The following SLC28A1 variants were observed in gnomAD, a reference collection of about 807,000 sequenced individuals.
SLC28A1 encodes sodium/nucleoside cotransporter 1.
Under a neutral mutation model 74.8 loss-of-function variants are expected in SLC28A1, and 64 were observed. The ratio of observed to expected loss-of-function variants is 0.86; its 90% CI spans 0.70 to 1.05. SLC28A1 has a LOEUF of 1.05. SLC28A1 is among the 50% of genes least tolerant of loss of function. The pLI is 0.00. For synonymous variants in SLC28A1, 359 were observed against 335.0 expected (o/e 1.07, Z -0.78); for missense variants, 828 against 822.8 (o/e 1.01, Z -0.08).
rs564452584 is a variant in SLC28A1, at chr15:84,885,427, T to C, written c.-133+676T>C. Among the ~76,000 whole-genome samples the C allele has an allele frequency of 1.5e-4, 23 of 150,580 alleles. 1 individual carries two copies. The South Asian group carries it at 4.4e-3, about 29-fold the overall frequency. On this transcript the variant is annotated intron_variant, in intron 1 of 18. Transcript: ENST00000394573. Reference sequence around the variant, plus strand: ...TGAATAACATAAAATAACATACATTTAGGAAAAAAAAAGTGGAGAAAAGGC... The same window carrying C: ...TGAATAACATAAAATAACATACATTCAGGAAAAAAAAAGTGGAGAAAAGGC...
intron 16 of SLC28A1, among the ~76,000 whole-genome samples, chr15:84,944,121 G>A (rs575103468): frequency 8.5e-4 from 129 of 152,280 alleles, no homozygotes; most frequent in African/African-American, 3.0e-3. Context: ...GCCTGGTGGG[G>A]CCTAAGGTCG....
intron 5 of SLC28A1, among the ~76,000 whole-genome samples, chr15:84,893,300 G>A (rs1027925081): frequency 2.0e-5 from 3 of 151,994 alleles, no homozygotes; most frequent in African/African-American, 7.2e-5. Context: ...TGGCGACCAC[G>A]GAGCCTCTCC....
chr15:84,900,653 A>C (rs548854563), intron 6 of SLC28A1, among the ~76,000 whole-genome samples: 1 of 152,088 alleles, frequency 6.6e-6, no homozygotes, highest in East Asian at 1.9e-4. Context: ...TAGATAAATA[A>C]ATTAGCCAGG....
chr15:84,965,892 G>C, the SLC28A1 span, among the ~76,000 whole-genome samples: 1 of 147,442 alleles, frequency 6.8e-6, no homozygotes, highest in Non-Finnish European at 1.5e-5. Flanking sequence ...TTAAGCTGGA[G>C]GGAGGCGGGG....
the SLC28A1 span, among the ~76,000 whole-genome samples, chr15:84,951,071 C>G: frequency 5.3e-5 from 8 of 152,062 alleles, no homozygotes; most frequent in African/African-American, 1.9e-4. Context: ...CATTTTTGCT[C>G]CATGCTAGTT....
At chr15:84,920,714 G>GTGTGTGTGTGTGTGTGTT (rs67647514) in intron 10 of SLC28A1, among the ~76,000 whole-genome samples, 37 of 152,164 alleles carry the variant, frequency 2.4e-4, no homozygotes, top group South Asian at 1.0e-3. Context: ...GTGTGTGTGT[G>GTGTGTGTGTGTGTGTGTT]TGTGTGTGTG....
At chr15:84,912,642 C>A (rs950436768) in intron 9 of SLC28A1, among the ~76,000 whole-genome samples, 20 of 152,166 alleles carry the variant, frequency 1.3e-4, no homozygotes, top group African/African-American at 3.6e-4. Flanking sequence ...ATTGTTCTAG[C>A]CTCTGGAACA....
intron 12 of SLC28A1, among the ~76,000 whole-genome samples, chr15:84,931,398 G>C (rs1159545096): frequency 2.6e-5 from 4 of 151,646 alleles, no homozygotes; most frequent in Admixed American, 2.6e-4. Flanking sequence ...TGTAATCCCA[G>C]CACTTTGGGA....
Position 84,916,055 on chromosome 15 carries a change from C to T in SLC28A1, c.796-2469C>T, listed in dbSNP as rs890756001. Among the ~76,000 whole-genome samples the T allele has an allele frequency of 9.9e-5, 15 of 151,652 alleles. 1 individual carries two copies. The South Asian group carries it at 1.3e-3, about 13-fold the overall frequency. On this transcript the variant is annotated intron_variant, in intron 9 of 18. Transcript: ENST00000394573. ...TCGGCTCACTGCAACCTCTGCCTCCCGGGTTCAAGCGATTCTCATGCCTCA... is the reference window on the plus strand; with the variant it reads ...TCGGCTCACTGCAACCTCTGCCTCCTGGGTTCAAGCGATTCTCATGCCTCA...
intron 5 of SLC28A1, among the ~76,000 whole-genome samples, chr15:84,891,939 C>T (rs571685488): frequency 3.3e-5 from 5 of 151,966 alleles, no homozygotes; most frequent in African/African-American, 4.8e-5. Context: ...AAGAGATGTC[C>T]GATGGAGCAA....
Position 84,905,583 on chromosome 15 carries a change from A to T in SLC28A1, c.648A>T (p.Val216=). Residue 216 remains valine, a synonymous_variant, in exon 8 of 19, where the codon GTA becomes GTT. Coordinates refer to ENST00000394573, the MANE Select transcript of SLC28A1 (RefSeq NM_004213.5). ...AVSWGLGLQF[V]LGLLVIRTEP... is the part of the protein sequence containing the mutation. Reference sequence around the variant, plus strand: ...CTTGGGGACTTGGACTGCAGTTTGTACTTGGACTCCTCGTCATCAGAACAG... The same window carrying T: ...CTTGGGGACTTGGACTGCAGTTTGTTCTTGGACTCCTCGTCATCAGAACAG... The T allele has an allele frequency of 6.2e-7, 1 of 1,614,066 alleles. No individual in the cohort carries two copies. The highest frequency in any genetic ancestry group is 1.7e-5 in the Admixed American group (1 of 60,014).
chr15:84,894,768 C>G (rs1965760539), intron 5 of SLC28A1, among the ~76,000 whole-genome samples, 172 bp from the exon 6 acceptor site: 1 of 152,212 alleles, frequency 6.6e-6, no homozygotes, highest in Non-Finnish European at 1.5e-5. Flanking sequence ...CTTTTTGGCA[C>G]AGTAGCGGTG....
intron 4 of SLC28A1, 128 bp downstream of exon 4, chr15:84,888,988 G>A: frequency 2.8e-6 from 2 of 709,376 alleles, no homozygotes; most frequent in Non-Finnish European, 5.0e-6. Flanking sequence ...GAGGAATAAA[G>A]GCGCTTTAGC....
chr15:84,904,222 CA>C lies in SLC28A1; in HGVS notation c.590del (p.Lys197SerfsTer46). The C allele has an allele frequency of 3.1e-6, 5 of 1,614,038 alleles. No individual in the cohort carries two copies. Among genetic ancestry groups the C allele is most frequent in the Non-Finnish European group, 4.2e-6 (5 of 1,180,038 alleles). On this transcript the variant is annotated frameshift_variant, in exon 7 of 19. Transcript: ENST00000394573. LOFTEE classifies it high-confidence loss of function. ...TTCGTCGCTCTCCTCTTTGCCTGCT[CA>C]AAGCATCATTGCGCAGTGAGTGCTA... ...CVFVALLFACSKHHCAVSWRA... is the reference protein window; with the variant it reads ...CVFVALLFACXKHHCAVSWRA...
chr15:84,888,703 A>G, intron 3 of SLC28A1, 69 bp from the exon 4 acceptor site: 1 of 1,134,068 alleles, frequency 8.8e-7, no homozygotes. Context: ...GTGGCCCCCG[A>G]CCCCCAGCTG....
intron 15 of SLC28A1, 152 bp from the exon 16 acceptor site, chr15:84,943,293 T>G: frequency 1.5e-6 from 1 of 673,922 alleles, no homozygotes; most frequent in South Asian, 1.6e-5. Context: ...AGAGGTGGGA[T>G]TGCAAGGCTG....
intron 12 of SLC28A1, among the ~76,000 whole-genome samples, chr15:84,932,412 C>T (rs1296860225): frequency 2.0e-5 from 3 of 152,218 alleles, no homozygotes; most frequent in Admixed American, 1.3e-4. Flanking sequence ...GCTGACATTG[C>T]TCTGCCATCT....
rs763284132 is a variant in SLC28A1 at position 84,945,149 on chromosome 15, G to A, written c.1899G>A (p.Glu633=). The A allele has an allele frequency of 1.2e-6, 2 of 1,614,130 alleles. No individual in the cohort carries two copies. The highest frequency in any genetic ancestry group is 1.7e-6 in the Non-Finnish European group (2 of 1,180,008). The part of the protein sequence containing the change: ...FQSVNPEFSP[E]ALDNCCRFYN... ...GCGTCAATCCAGAGTTCAGCCCAGAGGCCCTGGACAACTGCTGTCGGTTTT... is the reference window on the plus strand; with the variant it reads ...GCGTCAATCCAGAGTTCAGCCCAGAAGCCCTGGACAACTGCTGTCGGTTTT... The change falls in exon 19 of 19, where the codon GAG becomes GAA. Residue 633 remains glutamate (E), a synonymous_variant. Coordinates refer to ENST00000394573, the MANE Select transcript of SLC28A1 (RefSeq NM_004213.5).
chr15:84,890,578 C>A (rs1162249118), intron 5 of SLC28A1, 44 bp downstream of exon 5: 2 of 1,441,250 alleles, frequency 1.4e-6, no homozygotes. Flanking sequence ...ATGACTCCTG[C>A]CTCAGCTATC....
Sources: allele counts gnomAD v4.1 joint callset (sites outside exome capture counted in the v4.1 genomes callset), GRCh38; gene constraint gnomAD v4.1.1; transcripts MANE v1.5; gene names NCBI Gene and HGNC (gene_info 2026-07-23, HGNC 2026-07-21).